EML6: variants seen among roughly 807,000 people sequenced by gnomAD.
The protein encoded by EML6 is echinoderm microtubule-associated protein-like 6.
Under a neutral mutation model 240.1 loss-of-function variants are expected in EML6, and 154 were observed. The observed-to-expected ratio is 0.64, with a 90% confidence interval of 0.56 to 0.73. The LOEUF is 0.73. Ranked by LOEUF, EML6 falls within the 30% of genes least tolerant of loss-of-function variation. EML6 has a pLI of 0.00. For synonymous variants in EML6, 1,148 were observed against 899.0 expected, an observed-to-expected ratio of 1.28 and a Z score of -4.95; for missense variants, 2,964 against 2,474.6, an observed-to-expected ratio of 1.20 and a Z score of -4.20.
chr2:54,730,837 T>A (rs1683124729), intron 2 of EML6, among the ~76,000 whole-genome samples: 1 of 152,230 alleles, frequency 6.6e-6, no homozygotes, highest in East Asian at 1.9e-4. Flanking sequence ...TCATTTTACA[T>A]CTATAATGTG....
At chr2:54,735,174 A>G (rs373938465) in intron 2 of EML6, among the ~76,000 whole-genome samples, 22 of 152,164 alleles carry the variant, frequency 1.4e-4, no homozygotes, top group South Asian at 6.2e-4. Flanking sequence ...GCTCAAGACT[A>G]TCTTGTCCTC....
At chr2:54,933,809 C>T (rs948717122) in intron 28 of EML6, among the ~76,000 whole-genome samples, 5 of 152,016 alleles carry the variant, frequency 3.3e-5, no homozygotes, top group African/African-American at 1.2e-4. Context: ...GCCACCTTCC[C>T]AAAAAGAGGC....
intron 24 of EML6, among the ~76,000 whole-genome samples, chr2:54,907,174 A>G (rs1310418436): frequency 1.3e-5 from 2 of 152,218 alleles, no homozygotes; most frequent in Non-Finnish European, 2.9e-5. Flanking sequence ...AAATGCTACA[A>G]GTTCATTTCT....
intron 26 of EML6, among the ~76,000 whole-genome samples, chr2:54,924,101 C>G (rs1438912837): frequency 2.0e-5 from 3 of 152,158 alleles, no homozygotes; most frequent in Non-Finnish European, 4.4e-5. Flanking sequence ...TCTTTGTAGA[C>G]ATATGCTTTC....
rs539194479 is a variant in EML6 at position 54,835,651 on chromosome 2, T to C, written c.847+6174T>C. On this transcript the variant is annotated intron_variant, in intron 7 of 41. Transcript: ENST00000356458. ...GTTCCAGAGTGTTCATGCTTATTAC[T>C]GTTTTTACTCCTCTGAGTACTGCGA... is the stretch of plus-strand genomic sequence containing the variant. Among the ~76,000 whole-genome samples, 9 of 152,270 alleles carry C rather than the reference T, an allele frequency of 5.9e-5. No homozygotes were observed. In the South Asian group the frequency reaches 1.9e-3, roughly 32 times the overall value.
intron 6 of EML6, among the ~76,000 whole-genome samples, chr2:54,828,657 T>A (rs917494172): frequency 9.2e-5 from 14 of 152,264 alleles, no homozygotes; most frequent in African/African-American, 2.4e-4. Context: ...GGTCAGTATT[T>A]GTCCTCATTC....
intron 25 of EML6, among the ~76,000 whole-genome samples, chr2:54,915,146 G>T (rs1673843012): frequency 6.6e-6 from 1 of 152,140 alleles, no homozygotes; most frequent in African/African-American, 2.4e-5. Flanking sequence ...CGGATTATAG[G>T]TATCATTTTT....
At chr2:54,937,931 T>C (rs1675234180) in intron 28 of EML6, among the ~76,000 whole-genome samples, 1 of 152,226 alleles carries the variant, frequency 6.6e-6, no homozygotes, top group African/African-American at 2.4e-5. Flanking sequence ...GATTTCCTCT[T>C]ACGTATAAAA....
chr2:54,847,437 A>G, intron 8 of EML6, 49 bp from the exon 9 acceptor site: 1 of 1,537,748 alleles, frequency 6.5e-7, no homozygotes. Flanking sequence ...CTGGCCGATG[A>G]CCATGGGAAG....
At chr2:54,814,150 A>G (rs1250683798) in intron 3 of EML6, among the ~76,000 whole-genome samples, 3 of 152,168 alleles carry the variant, frequency 2.0e-5, no homozygotes, top group Non-Finnish European at 2.9e-5. Flanking sequence ...ATTTTAGCCA[A>G]CTTTTCTAGA....
At chr2:54,870,372 G>C (rs1239084477) in intron 15 of EML6, among the ~76,000 whole-genome samples, 1 of 149,828 alleles carries the variant, frequency 6.7e-6, no homozygotes, top group African/African-American at 2.4e-5. Flanking sequence ...GCTGACCATT[G>C]GTTTATACAT....
Position 54,905,854 on chromosome 2 carries a change from G to T in EML6, c.3409+2352G>T, listed in dbSNP as rs148431833. Among the ~76,000 whole-genome samples the T allele has an allele frequency of 1.2e-3, 190 of 152,312 alleles. 1 individual carries two copies. Among genetic ancestry groups the T allele is most frequent in the Middle Eastern group, 6.8e-3 (2 of 294 alleles). ...TCAAGATTCCTCCATGTTGTAGCAT[G>T]TGTCAGAATTTCCTTACTTTAAAGA... On this transcript the variant is annotated intron_variant, in intron 24 of 41. Transcript: ENST00000356458.
intron 28 of EML6, among the ~76,000 whole-genome samples, chr2:54,939,444 G>C (rs1243866807): frequency 6.6e-6 from 1 of 152,218 alleles, no homozygotes; most frequent in Non-Finnish European, 1.5e-5. Context: ...CATACTTGCT[G>C]TAAGTTTACT....
intron 12 of EML6, among the ~76,000 whole-genome samples, chr2:54,860,008 G>T (rs912600563): frequency 2.6e-5 from 4 of 152,064 alleles, no homozygotes; most frequent in Non-Finnish European, 5.9e-5. Flanking sequence ...ACATTGATTC[G>T]CAGGTCCATT....
At chr2:54,836,282 G>T (rs914032471) in intron 7 of EML6, among the ~76,000 whole-genome samples, 1 of 152,168 alleles carries the variant, frequency 6.6e-6, no homozygotes, top group South Asian at 2.1e-4. Flanking sequence ...AGCCTGGGTG[G>T]GTTTCCTCCC....
chr2:54,846,299 T>C (rs1300141319), intron 8 of EML6, among the ~76,000 whole-genome samples: 2 of 152,150 alleles, frequency 1.3e-5, no homozygotes, highest in African/African-American at 4.8e-5. Flanking sequence ...TATATTTCAA[T>C]CTGTGTGTGC....
chr2:54,743,240 C>T (rs1465565424), intron 2 of EML6, among the ~76,000 whole-genome samples: 2 of 152,182 alleles, frequency 1.3e-5, no homozygotes. Context: ...TCATGTAGCA[C>T]TCATGGAGAC....
chr2:54,736,536 T>C (rs1683400574), intron 2 of EML6, among the ~76,000 whole-genome samples: 1 of 152,250 alleles, frequency 6.6e-6, no homozygotes, highest in South Asian at 2.1e-4. Flanking sequence ...TGTCTCCATT[T>C]ACTGCCCCCG....
chr2:54,896,263 G>C (rs114830177), intron 21 of EML6, among the ~76,000 whole-genome samples: 2 of 152,100 alleles, frequency 1.3e-5, no homozygotes, highest in South Asian at 2.1e-4. Context: ...CAATCTGTCC[G>C]TCCATAAAAT....
Sources: allele counts gnomAD v4.1 joint callset (sites outside exome capture counted in the v4.1 genomes callset), GRCh38; gene constraint gnomAD v4.1.1; transcripts MANE v1.5; gene names NCBI Gene and HGNC (gene_info 2026-07-23, HGNC 2026-07-21).